FIBCD1: variants seen among roughly 807,000 people sequenced by gnomAD.
The protein encoded by FIBCD1 is fibrinogen C domain containing 1, also known as fibrinogen C domain-containing protein 1.
Under a neutral mutation model 45.1 loss-of-function variants are expected in FIBCD1, and 47 were observed. That is an observed-to-expected ratio of 1.04 (90% CI 0.82 to 1.33). The LOEUF (loss-of-function observed/expected upper bound fraction) is 1.33. FIBCD1 is among the 40% of genes most tolerant of loss of function. The pLI is 0.00. For missense variants in FIBCD1, 653 were observed against 682.2 expected (o/e 0.96, Z 0.48); for synonymous variants, 313 against 308.1 (o/e 1.02, Z -0.17).
At chr9:130,917,972 A>G (rs531353026) in intron 4 of FIBCD1, among the ~76,000 whole-genome samples, 17 of 152,184 alleles carry the variant, frequency 1.1e-4, no homozygotes, top group African/African-American at 4.1e-4. Flanking sequence ...CCTGCAAAAC[A>G]AGGGCTCCTG....
intron 4 of FIBCD1, among the ~76,000 whole-genome samples, chr9:130,920,680 G>C: frequency 6.6e-6 from 1 of 152,076 alleles, no homozygotes; most frequent in Middle Eastern, 3.4e-3. Flanking sequence ...CTCCCCTGCC[G>C]CCAAACCTCC....
Position 130,904,044 on chromosome 9 carries a change from C to A in FIBCD1, c.*20G>T, listed in dbSNP as rs533191407. On this transcript the variant is annotated 3_prime_UTR_variant, in exon 7 of 7. Coordinates refer to ENST00000372338, the MANE Select transcript of FIBCD1 (RefSeq NM_032843.5). ...ATGGGGCGACAGGGACCAGCAGGGCCAAGGACAAGGTGCACCAGTCTAGCG... is the reference window on the plus strand; with the variant it reads ...ATGGGGCGACAGGGACCAGCAGGGCAAAGGACAAGGTGCACCAGTCTAGCG... 1 of 1,610,612 alleles carries A rather than the reference C, an allele frequency of 6.2e-7. No homozygotes were observed. Among genetic ancestry groups the A allele is most frequent in the African/African-American group, 1.3e-5 (1 of 74,846 alleles).
intron 2 of FIBCD1, among the ~76,000 whole-genome samples, chr9:130,927,326 T>C (rs149694166): frequency 8.3e-4 from 126 of 151,940 alleles, no homozygotes; most frequent in African/African-American, 2.9e-3. Flanking sequence ...TCACAAACAA[T>C]TTCTACTATA....
chr9:130,929,910 G>A lies in FIBCD1; in HGVS notation c.209C>T (p.Thr70Ile). 6.5e-7 allele frequency: 1 copy of A among 1,549,406 alleles called. No homozygotes were observed. The highest frequency in any genetic ancestry group is 1.4e-5 in the African/African-American group (1 of 73,164). Residue 70 changes from threonine to isoleucine, a missense_variant, in exon 2 of 7, where the codon ACT becomes ATT. By Grantham distance (89) the Thr-to-Ile change is moderately conservative (BLOSUM62 -1). Coordinates refer to ENST00000372338, the MANE Select transcript of FIBCD1 (RefSeq NM_032843.5). ...PGTAPPPVVS[T>I]GAASANSALV... Reference sequence around the variant, plus strand: ...GGCGCTGTTGGCGCTGGCAGCCCCAGTGCTGACGACAGGTGGGGGCGCCGT... The same window carrying A: ...GGCGCTGTTGGCGCTGGCAGCCCCAATGCTGACGACAGGTGGGGGCGCCGT...
chr9:130,915,230 C>A (rs527762418), intron 4 of FIBCD1, among the ~76,000 whole-genome samples: 1 of 152,218 alleles, frequency 6.6e-6, no homozygotes, highest in Non-Finnish European at 1.5e-5. Context: ...TCCCACTGCC[C>A]TCTCAGTCTG....
intron 1 of FIBCD1, chr9:130,930,717 G>GGC (rs1162668312): frequency 2.2e-6 from 1 of 454,852 alleles, no homozygotes; most frequent in Non-Finnish European, 4.4e-6. Flanking sequence ...GACGGGACAG[G>GGC]GCTCAGGCCT....
Position 130,924,218 on chromosome 9 carries a change from C to T in FIBCD1, c.712+19G>A, listed in dbSNP as rs761514955. 1.3e-6 allele frequency: 2 copies of T among 1,553,250 alleles called. No homozygotes were observed. The highest frequency in any genetic ancestry group is 8.7e-7 in the Non-Finnish European group (1 of 1,150,690). On this transcript the variant is annotated intron_variant, in intron 3 of 6. Transcript: ENST00000372338. ...TGGGACCCGAGGCACCGGAGGAAGG[C>T]AGGCCCTGCCCCACTCACCAGTGGC...
At chr9:130,934,972 C>G (rs373282620) in intron 1 of FIBCD1, among the ~76,000 whole-genome samples, 1 of 152,296 alleles carries the variant, frequency 6.6e-6, no homozygotes, top group African/African-American at 2.4e-5. Context: ...TCTTCCAGAA[C>G]CCATGATGGT....
Position 130,938,672 on chromosome 9 carries a change from G to T in FIBCD1, c.-65C>A. On this transcript the variant is annotated 5_prime_UTR_variant, in exon 1 of 7. Coordinates refer to ENST00000372338, the MANE Select transcript of FIBCD1 (RefSeq NM_032843.5). ...CGCTGCGGAGCGCAAAGGAGACGGG[G>T]TGGGCGCGGGCGCGGGCGCGGGGCG... 8.8e-7 allele frequency: 1 copy of T among 1,132,742 alleles called. No homozygotes were observed. The highest frequency in any genetic ancestry group is 1.1e-6 in the Non-Finnish European group (1 of 900,216). 70.2% of individuals were successfully genotyped at this position (1,132,742 alleles called of 1,614,324 possible).
chr9:130,907,237 G>A (rs1382571827), intron 5 of FIBCD1, among the ~76,000 whole-genome samples: 1 of 151,240 alleles, frequency 6.6e-6, no homozygotes, highest in Non-Finnish European at 1.5e-5. Context: ...TGTCCCGGGG[G>A]CTGCTAGGCA....
chr9:130,916,356 G>A (rs1390723678), intron 4 of FIBCD1, among the ~76,000 whole-genome samples: 2 of 152,244 alleles, frequency 1.3e-5, no homozygotes, highest in African/African-American at 4.8e-5. Flanking sequence ...GGGAACCACT[G>A]ACAGCCTTTG....
intron 1 of FIBCD1, 96 bp downstream of exon 1, chr9:130,938,440 A>C: frequency 9.0e-7 from 1 of 1,109,168 alleles, no homozygotes; most frequent in South Asian, 1.9e-5. Context: ...GGTGCGCCCC[A>C]AACTCCAGCC....
At chr9:130,914,183 C>T (rs1832115915) in intron 4 of FIBCD1, among the ~76,000 whole-genome samples, 1 of 152,192 alleles carries the variant, frequency 6.6e-6, no homozygotes, top group African/African-American at 2.4e-5. Context: ...GGGCTCCTGC[C>T]TCCTCTGCTC....
intron 4 of FIBCD1, among the ~76,000 whole-genome samples, chr9:130,923,444 C>T (rs1249650923): frequency 9.8e-5 from 15 of 152,314 alleles, no homozygotes; most frequent in Middle Eastern, 3.4e-3. Context: ...TCGTCCTAGG[C>T]CCAAACCCCG....
At chr9:130,911,692 A>G (rs1832051718) in intron 5 of FIBCD1, 100 bp downstream of exon 5, 2 of 1,076,172 alleles carry the variant, frequency 1.9e-6, no homozygotes, top group South Asian at 1.4e-5. Context: ...GGCCAGGGAA[A>G]CCCAGCCCAA....
chr9:130,913,504 C>T (rs558300559), intron 4 of FIBCD1, among the ~76,000 whole-genome samples: 5 of 152,222 alleles, frequency 3.3e-5, no homozygotes, highest in African/African-American at 1.2e-4. Flanking sequence ...ACGTGTCCGT[C>T]ACGGCGTTTG....
intron 1 of FIBCD1, among the ~76,000 whole-genome samples, 163 bp downstream of exon 1, chr9:130,938,373 T>C (rs1440092729): frequency 6.6e-6 from 1 of 152,072 alleles, no homozygotes; most frequent in East Asian, 1.9e-4. Context: ...AAGCCTCGGC[T>C]CGGGGAGGAG....
At chr9:130,927,168 A>G (rs1320331697) in intron 2 of FIBCD1, among the ~76,000 whole-genome samples, 2 of 151,942 alleles carry the variant, frequency 1.3e-5, no homozygotes, top group Non-Finnish European at 2.9e-5. Context: ...GTCTGAGCCC[A>G]GGAGGTGGAG....
At position 130,906,050 on chromosome 9, in the gene FIBCD1, G is replaced by C. The variant is rs941543737; in HGVS notation, c.947-637C>G. 2.0e-5 allele frequency among the ~76,000 whole-genome samples: 3 copies of C among 152,150 alleles called. No individual in the cohort carries two copies. In the South Asian group the frequency reaches 6.2e-4, roughly 32 times the overall value. ...ACTGCTGACCCCAGTGCCTGGGGTG[G>C]GGCCTGGCACAATGGTGCTTACCCA... On this transcript the variant is annotated intron_variant, in intron 5 of 6. Coordinates refer to ENST00000372338, the MANE Select transcript of FIBCD1 (RefSeq NM_032843.5).
Sources: gnomAD v4.1 joint callset for allele counts (sites outside exome capture counted in the v4.1 genomes callset) on GRCh38, gnomAD v4.1.1 for gene constraint, MANE v1.5 for transcripts, NCBI Gene and HGNC (gene_info 2026-07-23, HGNC 2026-07-21) for gene names.